Variants in HEPHL1 observed in about 807,000 individuals in gnomAD.
HEPHL1 encodes the protein hephaestin like 1, also known as ferroxidase HEPHL1.
A neutral mutation model predicts 122.0 loss-of-function variants in HEPHL1; 123 were observed. That is an observed-to-expected ratio of 1.01 (90% CI 0.87 to 1.17). The LOEUF is 1.17. HEPHL1 is among the 50% of genes most tolerant of loss of function. The pLI is 0.00. For synonymous variants in HEPHL1, 527 were observed against 508.9 expected (o/e 1.04, Z -0.48); for missense variants, 1,452 against 1,430.5 (o/e 1.01, Z -0.24).
chr11:94,105,956 C>T, intron 16 of HEPHL1, 35 bp from the exon 17 acceptor site: 2 of 1,459,796 alleles, frequency 1.4e-6, no homozygotes, highest in Middle Eastern at 1.8e-4. Flanking sequence ...TATCTTTTAA[C>T]TAACCAAAGG....
intron 5 of HEPHL1, 114 bp from the exon 6 acceptor site, chr11:94,070,260 C>A: frequency 9.8e-7 from 1 of 1,015,562 alleles, no homozygotes. Context: ...CTTTATGGTC[C>A]AATTTTCTGT....
intron 2 of HEPHL1, among the ~76,000 whole-genome samples, chr11:94,061,022 G>A (rs372414533): frequency 2.6e-5 from 4 of 152,020 alleles, no homozygotes; most frequent in African/African-American, 4.8e-5. Flanking sequence ...GAGAAGAAGC[G>A]GAGATAGGAC....
chr11:94,026,421 A>T (rs999666126), intron 1 of HEPHL1, among the ~76,000 whole-genome samples: 2 of 152,228 alleles, frequency 1.3e-5, no homozygotes, highest in Non-Finnish European at 2.9e-5. Context: ...GAAGGGGAGC[A>T]TGAATATTGC....
chr11:94,032,199 C>T (rs1255811696), intron 1 of HEPHL1, among the ~76,000 whole-genome samples: 1 of 152,210 alleles, frequency 6.6e-6, no homozygotes, highest in Non-Finnish European at 1.5e-5. Flanking sequence ...CTTCCAGCTC[C>T]CCAGTGATGT....
chr11:94,036,649 A>G (rs1246465035), intron 1 of HEPHL1, among the ~76,000 whole-genome samples: 2 of 152,122 alleles, frequency 1.3e-5, no homozygotes, highest in Admixed American at 6.5e-5. Context: ...ATCCTGGCTA[A>G]CATGGTGAAA....
intron 2 of HEPHL1, chr11:94,055,069 G>T: frequency 6.1e-6 from 1 of 163,800 alleles, no homozygotes. Context: ...CGGAAGGTAG[G>T]TGATGATATG....
chr11:94,104,513 T>C lies in HEPHL1; in HGVS notation c.2683-15T>C, dbSNP rs1278525627. 6 of 1,562,974 alleles carry C rather than the reference T, an allele frequency of 3.8e-6. No individual in the cohort carries two copies. In the Admixed American group the frequency reaches 1.0e-4, roughly 27 times the overall value. On this transcript the variant is annotated splice_polypyrimidine_tract_variant and intron_variant, in intron 15 of 19. Coordinates refer to ENST00000315765, the MANE Select transcript of HEPHL1 (RefSeq NM_001098672.2). ...ACTTAATGGCTCTTTTAACTCAGTT[T>C]ATTTTTTCTTCCAGGATACGTATAG...
Position 94,045,819 on chromosome 11 carries a change from C to T in HEPHL1, c.317C>T (p.Ala106Val), listed in dbSNP as rs1365349792. ...WLGFLGPILR[A>V]EVGDVIVIHL... ...GGATTCCTGGGCCCCATCTTGAGGG[C>T]CGAAGTGGGTGATGTGATTGTCATT... The change falls in exon 2 of 20, where the codon GCC becomes GTC. Residue 106 changes from alanine to valine, a missense_variant. Ala to Val is a moderately conservative substitution (Grantham distance 64). Coordinates refer to ENST00000315765, the MANE Select transcript of HEPHL1 (RefSeq NM_001098672.2). 6.2e-7 allele frequency: 1 copy of T among 1,613,904 alleles called. No individual in the cohort carries two copies.
At chr11:94,099,036 C>G (rs961149894) in intron 13 of HEPHL1, among the ~76,000 whole-genome samples, 1 of 152,260 alleles carries the variant, frequency 6.6e-6, no homozygotes, top group Non-Finnish European at 1.5e-5. Flanking sequence ...CTCCATCCAG[C>G]TTTGTTCTGT....
At chr11:94,072,369 G>A (rs1471364875) in intron 6 of HEPHL1, among the ~76,000 whole-genome samples, 6 of 151,906 alleles carry the variant, frequency 3.9e-5, no homozygotes, top group Admixed American at 1.3e-4. Flanking sequence ...AAAAGGAAGA[G>A]TGCCAAAAAA....
chr11:94,110,580 C>A (rs2134456465), intron 17 of HEPHL1, among the ~76,000 whole-genome samples: 1 of 152,286 alleles, frequency 6.6e-6, no homozygotes, highest in South Asian at 2.1e-4. Flanking sequence ...GCACTTCTTC[C>A]ACATGCTATT....
intron 2 of HEPHL1, among the ~76,000 whole-genome samples, chr11:94,058,061 G>A (rs1945954962): frequency 6.6e-6 from 1 of 151,962 alleles, no homozygotes; most frequent in Non-Finnish European, 1.5e-5. Context: ...CTTCTGAGAG[G>A]TCATTCCTAT....
intron 2 of HEPHL1, among the ~76,000 whole-genome samples, chr11:94,058,705 T>C (rs1010349602): frequency 1.4e-4 from 22 of 152,108 alleles, no homozygotes; most frequent in Non-Finnish European, 8.8e-5. Flanking sequence ...ATAAATTTTA[T>C]TGTTTTTTAA....
At chr11:94,035,786 G>C (rs1358178844) in intron 1 of HEPHL1, among the ~76,000 whole-genome samples, 1 of 152,146 alleles carries the variant, frequency 6.6e-6, no homozygotes, top group African/African-American at 2.4e-5. Flanking sequence ...ACCCAGGCTG[G>C]AGTGCAGTGG....
chr11:94,067,334 G>A (rs897202454), intron 4 of HEPHL1, among the ~76,000 whole-genome samples, 162 bp from the exon 5 acceptor site: 1 of 152,020 alleles, frequency 6.6e-6, no homozygotes, highest in Non-Finnish European at 1.5e-5. Context: ...TTTCTCTTTT[G>A]GACAATATAT....
intron 9 of HEPHL1, among the ~76,000 whole-genome samples, chr11:94,078,712 A>C (rs1946146506): frequency 6.6e-6 from 1 of 152,052 alleles, no homozygotes; most frequent in African/African-American, 2.4e-5. Context: ...GTCAGGTGGG[A>C]GAAATTCCCT....
chr11:94,083,702 A>G (rs554732859), intron 10 of HEPHL1, among the ~76,000 whole-genome samples: 2 of 152,308 alleles, frequency 1.3e-5, no homozygotes, highest in East Asian at 1.9e-4. Flanking sequence ...CACAGACCCT[A>G]TGGTCCCAGA....
At chr11:94,042,391 C>T (rs1318348678) in intron 1 of HEPHL1, among the ~76,000 whole-genome samples, 5 of 141,204 alleles carry the variant, frequency 3.5e-5, no homozygotes, top group Non-Finnish European at 6.1e-5. Context: ...ACCCAAAGGA[C>T]TATAAATCAT....
At chr11:94,110,148 A>C (rs1946437103) in intron 17 of HEPHL1, among the ~76,000 whole-genome samples, 1 of 152,160 alleles carries the variant, frequency 6.6e-6, no homozygotes, top group Non-Finnish European at 1.5e-5. Context: ...AATATTTGTA[A>C]GATTTTAGTG....
Sources: allele counts gnomAD v4.1 joint callset (sites outside exome capture counted in the v4.1 genomes callset), GRCh38; gene constraint gnomAD v4.1.1; transcripts MANE v1.5; gene names NCBI Gene and HGNC (gene_info 2026-07-23, HGNC 2026-07-21).